The following TGFBR3 variants were observed in gnomAD, a reference collection of about 807,000 sequenced individuals.
TGFBR3 encodes the protein transforming growth factor beta receptor 3.
Under a neutral mutation model 87.9 loss-of-function variants are expected in TGFBR3, and 46 were observed. That is an observed-to-expected ratio of 0.52 (90% confidence interval 0.41 to 0.67). TGFBR3 has a LOEUF of 0.67. Among genes scored for constraint, TGFBR3 ranks in the 30% least tolerant of loss-of-function variants. The probability of loss-of-function intolerance (pLI) is 0.00; values close to 1 mark genes in which losing one functional copy is unlikely to be tolerated. For synonymous variants in TGFBR3, 381 were observed against 391.6 expected (o/e 0.97, Z 0.32); for missense variants, 866 against 1,041.9 (o/e 0.83, Z 2.32).
Position 91,877,218 on chromosome 1 carries a change from T to C in TGFBR3, c.-114+8660A>G, listed in dbSNP as rs1390302412. On this transcript the variant is annotated intron_variant, in intron 1 of 16. Coordinates refer to ENST00000212355, the MANE Select transcript of TGFBR3 (RefSeq NM_003243.5). ...TAGCCTACCCATTGAAATCCTGCTC[T>C]GTGTTCAGCTATGTCCCATTCAAAC... is the stretch of plus-strand genomic sequence containing the variant. 2.0e-5 allele frequency among the ~76,000 whole-genome samples: 3 copies of C among 152,236 alleles called. No homozygotes were observed. In the East Asian group the frequency reaches 5.8e-4, roughly 29 times the overall value.
intron 3 of TGFBR3, chr1:91,786,242 A>G (rs1674955161): frequency 2.2e-6 from 1 of 456,264 alleles, no homozygotes. Flanking sequence ...GAATGAATAA[A>G]CAAATTCATT....
intron 14 of TGFBR3, among the ~76,000 whole-genome samples, chr1:91,701,244 C>G (rs1488427230): frequency 8.6e-5 from 13 of 151,870 alleles, no homozygotes; most frequent in Admixed American, 8.5e-4. Context: ...GAAGTCTCTT[C>G]GTGATTTCTG....
At chr1:91,757,663 T>C (rs1256713544) in intron 4 of TGFBR3, among the ~76,000 whole-genome samples, 1 of 152,252 alleles carries the variant, frequency 6.6e-6, no homozygotes, top group East Asian at 1.9e-4. Context: ...TATTCATTTA[T>C]GTACTTATTA....
At position 91,750,762 on chromosome 1, in the gene TGFBR3, T is replaced by C. The variant is rs138642245; in HGVS notation, c.384+7851A>G. On this transcript the variant is annotated intron_variant, in intron 4 of 16. Transcript: ENST00000212355. Reference sequence around the variant, plus strand: ...CCGGGTCCCTGGAATACAGGGGTAATGCTTCTGGCCGAGCCAAGAGCTGTG... The same window carrying C: ...CCGGGTCCCTGGAATACAGGGGTAACGCTTCTGGCCGAGCCAAGAGCTGTG... Among the ~76,000 whole-genome samples the C allele has an allele frequency of 5.9e-4, 90 of 152,334 alleles. 1 individual carries two copies. The East Asian group carries it at 0.014, about 24-fold the overall frequency.
In TGFBR3 at chr1:91,800,328, A is replaced by ATGTGTGTGTG. The variant is rs386417805; in HGVS notation, c.62-2858_62-2857insCACACACACA. Among the ~76,000 whole-genome samples, 633 of 122,544 alleles carry ATGTGTGTGTG rather than the reference A, an allele frequency of 5.2e-3. 4 individuals carry two copies. The highest frequency in any genetic ancestry group is 0.02 in the African/African-American group (603 of 30,916). The allele number at this position is 122,544 out of a possible 152,430, so 80.4% of individuals were successfully genotyped here. On this transcript the variant is annotated intron_variant, in intron 2 of 16. Coordinates refer to ENST00000212355, the MANE Select transcript of TGFBR3 (RefSeq NM_003243.5). ...CATGCATATATGTATATATATGTGT[A>ATGTGTGTGTG]TATGTGTGTGTGTGTGTGTGTGTGT...
chr1:91,879,465 G>A (rs1678990074), intron 1 of TGFBR3, among the ~76,000 whole-genome samples: 1 of 152,086 alleles, frequency 6.6e-6, no homozygotes, highest in Non-Finnish European at 1.5e-5. Context: ...AGGATGGCCT[G>A]AAGGCATGGT....
rs1468315479 is a variant in TGFBR3, at chr1:91,742,847, A to G, written c.385-7888T>C. Reference sequence around the variant, plus strand: ...TTGTATTTGAAATTCAGGTTATGCTACCAGACTTTTTTAAAGAGCAGAACA... The same window carrying G: ...TTGTATTTGAAATTCAGGTTATGCTGCCAGACTTTTTTAAAGAGCAGAACA... On this transcript the variant is annotated intron_variant, in intron 4 of 16. Coordinates refer to ENST00000212355, the MANE Select transcript of TGFBR3 (RefSeq NM_003243.5). Among the ~76,000 whole-genome samples, 4 of 152,194 alleles carry G rather than the reference A, an allele frequency of 2.6e-5. No individual in the cohort carries two copies. The South Asian group carries it at 8.3e-4, about 31-fold the overall frequency.
intron 2 of TGFBR3, among the ~76,000 whole-genome samples, chr1:91,834,168 A>AAC (rs1212124043): frequency 6.6e-6 from 1 of 152,152 alleles, no homozygotes; most frequent in East Asian, 1.9e-4. Flanking sequence ...CTCAAAGCTA[A>AAC]ACTCATGTAA....
Position 91,683,236 on chromosome 1 carries a change from A to T in TGFBR3, c.*503T>A, listed in dbSNP as rs529485848. 4 of 454,740 alleles carry T rather than the reference A, an allele frequency of 8.8e-6. No homozygotes were observed. In the East Asian group the frequency reaches 2.8e-4, roughly 32 times the overall value. The allele number at this position is 454,740 out of a possible 1,614,324, so 28.2% of individuals were successfully genotyped here. On this transcript the variant is annotated 3_prime_UTR_variant, in exon 17 of 17. Transcript: ENST00000212355. ...AGTGTGCATCCAGACAAAGGTGCAAATTAGACAGGAGGATCGCTTAGAAAG... is the reference window on the plus strand; with the variant it reads ...AGTGTGCATCCAGACAAAGGTGCAATTTAGACAGGAGGATCGCTTAGAAAG...
chr1:91,691,155 A>G (rs928651609), intron 16 of TGFBR3, among the ~76,000 whole-genome samples: 8 of 152,162 alleles, frequency 5.3e-5, no homozygotes, highest in African/African-American at 1.9e-4. Context: ...AACAGGAAAG[A>G]AAGGAAAATT....
At chr1:91,834,762 T>C (rs1485836325) in intron 2 of TGFBR3, among the ~76,000 whole-genome samples, 2 of 152,202 alleles carry the variant, frequency 1.3e-5, no homozygotes, top group African/African-American at 4.8e-5. Context: ...CACTGCAGCC[T>C]CCGCCTCCTG....
Position 91,719,355 on chromosome 1 carries a change from C to A in TGFBR3, c.1523G>T (p.Arg508Leu), listed in dbSNP as rs761048180. Residue 508 changes from arginine to leucine, a missense_variant, in exon 10 of 17, where the codon CGG (arginine) becomes CTG (leucine). Arg to Leu is a moderately radical substitution (Grantham distance 102). Transcript: ENST00000212355. Reference sequence around the variant, plus strand: ...ACCATCAAGGGCTGACCACCGGGGCCGAGTACCGCAGCCATTCAGAGGAGA... The same window carrying A: ...ACCATCAAGGGCTGACCACCGGGGCAGAGTACCGCAGCCATTCAGAGGAGA... ...LESPLNGCGT[R>L]PRWSALDGVV... The A allele has an allele frequency of 6.2e-7, 1 of 1,614,098 alleles. No homozygotes were observed. Among genetic ancestry groups the A allele is most frequent in the East Asian group, 2.2e-5 (1 of 44,848 alleles).
chr1:91,727,621 T>C (rs779367026), intron 7 of TGFBR3, 38 bp downstream of exon 7: 1 of 1,613,202 alleles, frequency 6.2e-7, no homozygotes. Flanking sequence ...TGTTGTCATT[T>C]ATCTAAACAA....
intron 7 of TGFBR3, among the ~76,000 whole-genome samples, chr1:91,727,319 T>C (rs984286959): frequency 3.3e-5 from 5 of 152,238 alleles, no homozygotes; most frequent in Admixed American, 2.0e-4. Context: ...TATGAAGGCT[T>C]AATTGTGTTC....
At chr1:91,843,064 T>G (rs548051476) in intron 2 of TGFBR3, among the ~76,000 whole-genome samples, 10 of 152,302 alleles carry the variant, frequency 6.6e-5, no homozygotes, top group African/African-American at 2.4e-4. Flanking sequence ...AACATTATAT[T>G]TCAGGATCAG....
chr1:91,728,403 A>G (rs982789654), intron 6 of TGFBR3, among the ~76,000 whole-genome samples: 1 of 152,226 alleles, frequency 6.6e-6, no homozygotes, highest in African/African-American at 2.4e-5. Flanking sequence ...AAACTTCTGG[A>G]TATAAGGTTA....
chr1:91,718,513 C>A (rs1167814281), intron 10 of TGFBR3, among the ~76,000 whole-genome samples: 1 of 143,384 alleles, frequency 7.0e-6, no homozygotes, highest in Non-Finnish European at 1.5e-5. Context: ...ACAGGGATCT[C>A]TGAGCCTTAT....
At chr1:91,743,768 A>C (rs1351244731) in intron 4 of TGFBR3, among the ~76,000 whole-genome samples, 1 of 152,224 alleles carries the variant, frequency 6.6e-6, no homozygotes, top group Admixed American at 6.5e-5. Context: ...AAGGATTCTG[A>C]GGTCATATTC....
chr1:91,716,343 G>A lies in TGFBR3; in HGVS notation c.1759C>T (p.Pro587Ser), dbSNP rs775146340. 14 of 1,614,068 alleles carry A rather than the reference G, an allele frequency of 8.7e-6. No homozygotes were observed. Among genetic ancestry groups the A allele is most frequent in the Non-Finnish European group, 1.1e-5 (13 of 1,180,038 alleles). ...VRNPSSFQEQ[P>S]HGNITFNMEL... ...ATGTTGAAGGTGATGTTTCCGTGGGGCTGTTCCTGGAAGCTGCTGGGGTTC... is the reference window on the plus strand; with the variant it reads ...ATGTTGAAGGTGATGTTTCCGTGGGACTGTTCCTGGAAGCTGCTGGGGTTC... Residue 587 changes from proline (P) to serine (S), a missense_variant, in exon 12 of 17, where the codon CCC becomes TCC. Transcript: ENST00000212355.
Sources: allele counts gnomAD v4.1 joint callset (sites outside exome capture counted in the v4.1 genomes callset), GRCh38; gene constraint gnomAD v4.1.1; transcripts MANE v1.5; gene names NCBI Gene and HGNC (gene_info 2026-07-23, HGNC 2026-07-21).